Variants in DESI2 observed in about 807,000 individuals in gnomAD.
DESI2 encodes the protein desumoylating isopeptidase 2, also known as deubiquitinase DESI2.
A neutral mutation model predicts 24.1 loss-of-function variants in DESI2; 10 were observed. That is an observed-to-expected ratio of 0.41 (90% confidence interval 0.26 to 0.70). The LOEUF (loss-of-function observed/expected upper bound fraction) is 0.70, where lower values mean the gene tolerates loss of function less well. Among genes scored for constraint, DESI2 ranks in the 30% least tolerant of loss-of-function variants. DESI2 has a pLI of 0.29. For missense variants in DESI2, 122 were observed against 234.9 expected (o/e 0.52, Z 3.14); for synonymous variants, 71 against 87.7 (o/e 0.81, Z 1.06).
chr1:244,699,544 T>C (rs937027510), intron 4 of DESI2, among the ~76,000 whole-genome samples: 6 of 119,246 alleles, frequency 5.0e-5, no homozygotes, highest in Admixed American at 1.2e-4. Context: ...ATTGTGCCAC[T>C]GCACTCCAGC....
Position 244,706,190 on chromosome 1 carries a change from T to C in DESI2, c.*401T>C, listed in dbSNP as rs1286167134. ...ATACTTCTGACAATTGCCAGATCTATGGCATAAATAGGCACACAAAAAGGT... is the reference window on the plus strand; with the variant it reads ...ATACTTCTGACAATTGCCAGATCTACGGCATAAATAGGCACACAAAAAGGT... On this transcript the variant is annotated 3_prime_UTR_variant, in exon 5 of 5. Coordinates refer to ENST00000302550, the MANE Select transcript of DESI2 (RefSeq NM_016076.5). 1 of 183,360 alleles carries C rather than the reference T, an allele frequency of 5.5e-6. No homozygotes were observed. Among genetic ancestry groups the C allele is most frequent in the Non-Finnish European group, 1.2e-5 (1 of 86,302 alleles). The allele number at this position is 183,360 out of a possible 1,614,324, so 11.4% of individuals were successfully genotyped here. A position where few individuals can be genotyped will look rare whatever the true frequency, so the allele number is the denominator to read the frequency against.
intron 1 of DESI2, among the ~76,000 whole-genome samples, chr1:244,674,637 C>G (rs1490478452): frequency 6.6e-6 from 1 of 152,188 alleles, no homozygotes; most frequent in East Asian, 1.9e-4. Flanking sequence ...TGGCTTCTTT[C>G]ACCTGGCATA....
Position 244,705,854 on chromosome 1 carries a change from C to A in DESI2, c.*65C>A. 1 of 1,145,014 alleles carries A rather than the reference C, an allele frequency of 8.7e-7. No homozygotes were observed. Among genetic ancestry groups the A allele is most frequent in the Non-Finnish European group, 1.3e-6 (1 of 797,160 alleles). 70.9% of individuals were successfully genotyped at this position (1,145,014 alleles called of 1,614,324 possible). ...TCGAATATCACTAGAGAAAAGTAAA[C>A]AGAGAAGCATCCTTTAGATATTTTG... On this transcript the variant is annotated 3_prime_UTR_variant, in exon 5 of 5. Coordinates refer to ENST00000302550, the MANE Select transcript of DESI2 (RefSeq NM_016076.5).
At chr1:244,654,623 T>C (rs1026674978) in intron 1 of DESI2, among the ~76,000 whole-genome samples, 1 of 152,110 alleles carries the variant, frequency 6.6e-6, no homozygotes, top group African/African-American at 2.4e-5. Context: ...ACAGAAAAAG[T>C]TGAAGAGGAG....
At chr1:244,674,492 C>G (rs1676349979) in intron 1 of DESI2, among the ~76,000 whole-genome samples, 1 of 152,122 alleles carries the variant, frequency 6.6e-6, no homozygotes, top group African/African-American at 2.4e-5. Context: ...AGAGAGAAGC[C>G]CATACCCATT....
At position 244,706,332 on chromosome 1, in the gene DESI2, A is replaced by G. The variant is rs1348496206; in HGVS notation, c.*543A>G. On this transcript the variant is annotated 3_prime_UTR_variant, in exon 5 of 5. Coordinates refer to ENST00000302550, the MANE Select transcript of DESI2 (RefSeq NM_016076.5). ...GAATCAGACTGGCCTGAGGTGAAGG[A>G]GCACACAGCCCTGAGGGCTTGGAAC... 6.3e-6 allele frequency: 1 copy of G among 159,194 alleles called. No individual in the cohort carries two copies. Among genetic ancestry groups the G allele is most frequent in the Non-Finnish European group, 1.4e-5 (1 of 72,310 alleles). 9.9% of individuals were successfully genotyped at this position (159,194 alleles called of 1,614,324 possible). A position where few individuals can be genotyped will look rare whatever the true frequency, so the allele number is the denominator to read the frequency against.
intron 2 of DESI2, among the ~76,000 whole-genome samples, chr1:244,688,673 A>G (rs965392178): frequency 1.2e-4 from 18 of 151,712 alleles, no homozygotes; most frequent in Admixed American, 9.9e-4. Flanking sequence ...TATCCTAGCT[A>G]AAAGACTTGC....
rs1351325985 is a variant in DESI2, at chr1:244,653,506, T to G, written c.42+151T>G. 4 of 727,370 alleles carry G rather than the reference T, an allele frequency of 5.5e-6. No homozygotes were observed. The Admixed American group carries it at 1.2e-4, about 22-fold the overall frequency. The allele number at this position is 727,370 out of a possible 1,614,324, so 45.1% of individuals were successfully genotyped here. On this transcript the variant is annotated intron_variant, in intron 1 of 4. Transcript: ENST00000302550. ...AAGCCGGGGGTGAAGGAGGGAGTAT[T>G]GTTATTTTTTAATCCTCGCACTCGT...
intron 4 of DESI2, among the ~76,000 whole-genome samples, chr1:244,699,230 A>G (rs1275919387): frequency 1.3e-5 from 2 of 152,300 alleles, no homozygotes; most frequent in Admixed American, 6.5e-5. Context: ...TATTTTGAAA[A>G]TTCAGGATTT....
chr1:244,670,706 A>G (rs1676215995), intron 1 of DESI2, among the ~76,000 whole-genome samples: 2 of 152,244 alleles, frequency 1.3e-5, no homozygotes, highest in Non-Finnish European at 2.9e-5. Context: ...TTCAACCAAG[A>G]CATTCTGGCT....
chr1:244,700,457 ATCT>A (rs1158085755), intron 4 of DESI2, among the ~76,000 whole-genome samples: 7 of 151,974 alleles, frequency 4.6e-5, no homozygotes, highest in African/African-American at 1.7e-4. Flanking sequence ...GTCCCTAGTA[ATCT>A]TCTACAGCGT....
intron 1 of DESI2, among the ~76,000 whole-genome samples, chr1:244,664,410 T>A (rs187828123): frequency 2.8e-4 from 42 of 152,242 alleles, no homozygotes; most frequent in Middle Eastern, 3.4e-3. Flanking sequence ...GAAGACGTAA[T>A]CCATATGGTG....
At chr1:244,680,063 G>A (rs1255830580) in intron 1 of DESI2, among the ~76,000 whole-genome samples, 1 of 145,956 alleles carries the variant, frequency 6.9e-6, no homozygotes, top group African/African-American at 2.5e-5. Flanking sequence ...ATCCAGTCGA[G>A]GTTCATTCAC....
chr1:244,697,676 C>G (rs542304243), intron 4 of DESI2, among the ~76,000 whole-genome samples: 2 of 152,200 alleles, frequency 1.3e-5, no homozygotes, highest in Non-Finnish European at 1.5e-5. Context: ...ACTAGATCAC[C>G]TGGCTACTTT....
intron 4 of DESI2, among the ~76,000 whole-genome samples, chr1:244,692,769 T>C (rs1479438807): frequency 6.6e-6 from 1 of 152,148 alleles, no homozygotes; most frequent in East Asian, 1.9e-4. Context: ...CAGACAACTC[T>C]CACAGACTGT....
intron 1 of DESI2, among the ~76,000 whole-genome samples, chr1:244,672,298 G>T (rs1421549803): frequency 2.0e-5 from 3 of 152,262 alleles, no homozygotes; most frequent in South Asian, 2.1e-4. Context: ...GGGAGATCTG[G>T]TTGTTTAAAA....
chr1:244,701,215 ACCCCCCC>A (rs71587007), intron 4 of DESI2, among the ~76,000 whole-genome samples: 2 of 13,120 alleles, frequency 1.5e-4, no homozygotes, highest in African/African-American at 3.8e-4. Flanking sequence ...CTTCCCCTCC[ACCCCCCC>A]CCCCCCCCCC....
Position 244,705,882 on chromosome 1 carries a change from TGCAAAGATG to T in DESI2, c.*96_*104del. 2 of 889,804 alleles carry T rather than the reference TGCAAAGATG, an allele frequency of 2.2e-6. No homozygotes were observed. The highest frequency in any genetic ancestry group is 3.4e-6 in the Non-Finnish European group (2 of 590,808). The allele number at this position is 889,804 out of a possible 1,614,324, so 55.1% of individuals were successfully genotyped here. A position where few individuals can be genotyped will look rare whatever the true frequency, so the allele number is the denominator to read the frequency against. On this transcript the variant is annotated 3_prime_UTR_variant, in exon 5 of 5. Coordinates refer to ENST00000302550, the MANE Select transcript of DESI2 (RefSeq NM_016076.5). ...AGAAGCATCCTTTAGATATTTTGTA[TGCAAAGATG>T]GCTCTCCCCCAAATCCCAGTTTTTC...
In DESI2 at chr1:244,689,991, T is replaced by G. The variant is rs1676964862; in HGVS notation, c.209+649T>G. On this transcript the variant is annotated intron_variant, in intron 3 of 4. Coordinates refer to ENST00000302550, the MANE Select transcript of DESI2 (RefSeq NM_016076.5). The surrounding 1 kb of genome is among the most constrained non-coding windows in gnomAD (Gnocchi z 4.0). ...AGAATCCATTGTTAAGGTACATGTA[T>G]TACATGTAATGATAAACCTAAAATA... is the stretch of plus-strand genomic sequence containing the variant. Among the ~76,000 whole-genome samples the G allele has an allele frequency of 6.6e-6, 1 of 152,224 alleles. No homozygotes were observed. The highest frequency in any genetic ancestry group is 2.4e-5 in the African/African-American group (1 of 41,458).
Sources: allele counts gnomAD v4.1 joint callset (sites outside exome capture counted in the v4.1 genomes callset), GRCh38; gene constraint gnomAD v4.1.1; non-coding constraint Gnocchi (gnomAD v3.1); transcripts MANE v1.5; gene names NCBI Gene and HGNC (gene_info 2026-07-23, HGNC 2026-07-21).